MRPS27: variants seen among roughly 807,000 people sequenced by gnomAD.
MRPS27 encodes the protein small ribosomal subunit protein mS27.
A neutral mutation model predicts 48.9 loss-of-function variants in MRPS27; 43 were observed. The ratio of observed to expected loss-of-function variants is 0.88; its 90% CI spans 0.69 to 1.13. The LOEUF (loss-of-function observed/expected upper bound fraction) is 1.13. Among genes scored for constraint, MRPS27 ranks in the 50% most tolerant of loss-of-function variants. MRPS27 has a pLI of 0.00. For missense variants in MRPS27, 467 were observed against 476.3 expected (o/e 0.98, Z 0.18); for synonymous variants, 188 against 171.9 (o/e 1.09, Z -0.73).
chr5:72,234,944 T>G (rs543088678), intron 5 of MRPS27, among the ~76,000 whole-genome samples: 1 of 152,242 alleles, frequency 6.6e-6, no homozygotes, highest in East Asian at 1.9e-4. Flanking sequence ...TCAGTAATGT[T>G]AACCACCATT....
At chr5:72,320,004 T>G in intron 1 of MRPS27, 145 bp downstream of exon 1, 2 of 753,136 alleles carry the variant, frequency 2.7e-6, no homozygotes, top group South Asian at 3.4e-5. Flanking sequence ...AGATACCTTG[T>G]CTCCTTCTTC....
chr5:72,221,670 G>A (rs17303157), intron 10 of MRPS27, among the ~76,000 whole-genome samples: 49,527 of 152,098 alleles, frequency 0.33, 8,620 homozygotes, highest in Non-Finnish European at 0.38. Flanking sequence ...ATGTGCCTTC[G>A]GAATAACTGA....
rs1320064278 is a variant in MRPS27, at chr5:72,223,721, C to T, written c.967G>A (p.Glu323Lys). Residue 323 changes from glutamate (E) to lysine (K), a missense_variant, in exon 10 of 11, where the codon GAG becomes AAG. By Grantham distance (56) the Glu-to-Lys change is moderately conservative. Coordinates refer to ENST00000261413, the MANE Select transcript of MRPS27 (RefSeq NM_015084.3). ...LVEQLDIEET[E>K]QSKLPQYLER... is the part of the protein sequence containing the mutation. ...AGGTATTGAGGAAGCTTGGACTGCT[C>T]TGTTTCCTCGATGTCTAACTGCTCC... 1 of 1,614,020 alleles carries T rather than the reference C, an allele frequency of 6.2e-7. No individual in the cohort carries two copies. Among genetic ancestry groups the T allele is most frequent in the Non-Finnish European group, 8.5e-7 (1 of 1,179,922 alleles).
At chr5:72,304,679 T>G (rs1750213312) in intron 2 of MRPS27, among the ~76,000 whole-genome samples, 1 of 152,214 alleles carries the variant, frequency 6.6e-6, no homozygotes, top group South Asian at 2.1e-4. Flanking sequence ...AAATCTGTAG[T>G]ACAGATGTGT....
intron 4 of MRPS27, among the ~76,000 whole-genome samples, chr5:72,279,252 T>C (rs1047093833): frequency 2.0e-5 from 3 of 152,356 alleles, no homozygotes; most frequent in Middle Eastern, 3.4e-3. Flanking sequence ...ATGTTAAATA[T>C]GTTAACTGCC....
chr5:72,254,584 T>C (rs1748748372), intron 4 of MRPS27, among the ~76,000 whole-genome samples: 2 of 152,152 alleles, frequency 1.3e-5, no homozygotes, highest in South Asian at 4.1e-4. Context: ...AAGAGAAAAA[T>C]GGTAGAATTT....
At chr5:72,235,586 C>T (rs892630625) in intron 5 of MRPS27, among the ~76,000 whole-genome samples, 3 of 152,136 alleles carry the variant, frequency 2.0e-5, no homozygotes, top group Admixed American at 2.0e-4. Context: ...ATGAGGAAGG[C>T]TATGCATGTG....
At chr5:72,248,899 A>G (rs936104647) in intron 4 of MRPS27, among the ~76,000 whole-genome samples, 2 of 152,170 alleles carry the variant, frequency 1.3e-5, no homozygotes, top group African/African-American at 2.4e-5. Context: ...AGAGAAGAGG[A>G]TAACAAGCTA....
At chr5:72,289,866 T>A (rs905097264) in intron 4 of MRPS27, among the ~76,000 whole-genome samples, 1 of 152,198 alleles carries the variant, frequency 6.6e-6, no homozygotes, top group Non-Finnish European at 1.5e-5. Context: ...AAGTTTAATT[T>A]CATACATCTC....
chr5:72,314,232 TC>T, intron 1 of MRPS27, 74 bp from the exon 2 acceptor site: 1 of 1,041,214 alleles, frequency 9.6e-7, no homozygotes, highest in South Asian at 1.4e-5. Flanking sequence ...ATTAAATATA[TC>T]TTCACTATCC....
At chr5:72,308,399 A>G (rs768243950) in intron 2 of MRPS27, among the ~76,000 whole-genome samples, 2 of 152,214 alleles carry the variant, frequency 1.3e-5, no homozygotes, top group Non-Finnish European at 2.9e-5. Flanking sequence ...CGAAAGCCTC[A>G]TATCGGCCCT....
intron 4 of MRPS27, among the ~76,000 whole-genome samples, chr5:72,257,499 C>A (rs961981488): frequency 1.3e-5 from 2 of 152,178 alleles, no homozygotes; most frequent in Non-Finnish European, 2.9e-5. Context: ...TCAGTTGAAT[C>A]TGGTGGTTCC....
At chr5:72,241,600 C>G in intron 4 of MRPS27, 1 of 1,504,394 alleles carries the variant, frequency 6.6e-7, no homozygotes, top group Non-Finnish European at 8.9e-7. Context: ...TTTTCAACTT[C>G]CAGTAGTAAT....
At chr5:72,268,549 T>C (rs1192866073) in intron 4 of MRPS27, among the ~76,000 whole-genome samples, 1 of 152,182 alleles carries the variant, frequency 6.6e-6, no homozygotes, top group Non-Finnish European at 1.5e-5. Context: ...ACAAACAATG[T>C]TTTTATAAAA....
intron 1 of MRPS27, among the ~76,000 whole-genome samples, chr5:72,316,307 T>C (rs1750561664): frequency 6.6e-6 from 1 of 152,238 alleles, no homozygotes. Context: ...AAATAGCTTG[T>C]GATGATGGCT....
At chr5:72,240,543 T>A (rs1051907330) in intron 4 of MRPS27, among the ~76,000 whole-genome samples, 3 of 152,212 alleles carry the variant, frequency 2.0e-5, no homozygotes, top group Non-Finnish European at 4.4e-5. Flanking sequence ...ATGTTTCCAA[T>A]GGCCACTAAA....
intron 5 of MRPS27, among the ~76,000 whole-genome samples, chr5:72,234,402 T>C (rs941985206): frequency 6.6e-6 from 1 of 152,010 alleles, no homozygotes; most frequent in Non-Finnish European, 1.5e-5. Context: ...GGTGAGAAAG[T>C]TGTGAGTCTG....
At chr5:72,294,417 A>G (rs1580107049) in intron 4 of MRPS27, 2 of 152,206 alleles carry the variant, frequency 1.3e-5, no homozygotes, top group African/African-American at 4.8e-5. Flanking sequence ...CTCTAATGCA[A>G]TGCTTACTGG....
chr5:72,250,423 C>A (rs1282138457), intron 4 of MRPS27, among the ~76,000 whole-genome samples: 2 of 152,104 alleles, frequency 1.3e-5, no homozygotes, highest in African/African-American at 4.8e-5. Context: ...CACAGTAATG[C>A]TGCTTCTCCA....
Sources: allele counts gnomAD v4.1 joint callset (sites outside exome capture counted in the v4.1 genomes callset), GRCh38; gene constraint gnomAD v4.1.1; transcripts MANE v1.5; gene names NCBI Gene and HGNC (gene_info 2026-07-23, HGNC 2026-07-21).